NRXN3: variants seen among roughly 807,000 people sequenced by gnomAD.
NRXN3 encodes neurexin III.
Under a neutral mutation model 137.6 loss-of-function variants are expected in NRXN3, and 32 were observed. The observed-to-expected ratio is 0.23, with a 90% CI of 0.18 to 0.31. The LOEUF (loss-of-function observed/expected upper bound fraction) is 0.31, where lower values mean the gene tolerates loss of function less well. NRXN3 is among the 10% of genes least tolerant of loss of function. NRXN3 has a pLI of 1.00. For synonymous variants in NRXN3, 798 were observed against 784.5 expected (o/e 1.02, Z -0.29); for missense variants, 1,574 against 2,062.5 (o/e 0.76, Z 4.59).
At chr14:78,781,545 A>G (rs1196055906) in intron 8 of NRXN3, among the ~76,000 whole-genome samples, 3 of 152,132 alleles carry the variant, frequency 2.0e-5, no homozygotes, top group Non-Finnish European at 2.9e-5. Context: ...AAGTTCTTAC[A>G]CTCCCTGCTC....
intron 10 of NRXN3, among the ~76,000 whole-genome samples, chr14:78,941,932 G>A (rs2099353802): frequency 6.6e-6 from 1 of 152,210 alleles, no homozygotes; most frequent in Admixed American, 6.5e-5. Flanking sequence ...CAAAAGGGGT[G>A]TAGAGAGGAG....
chr14:79,786,290 C>T (rs1568247596), intron 19 of NRXN3, among the ~76,000 whole-genome samples: 1 of 152,064 alleles, frequency 6.6e-6, no homozygotes, highest in East Asian at 1.9e-4. Flanking sequence ...AATTTGGCTA[C>T]AAAAGTTAAT....
At chr14:79,308,861 T>C (rs1482433486) in intron 15 of NRXN3, among the ~76,000 whole-genome samples, 1 of 147,654 alleles carries the variant, frequency 6.8e-6, no homozygotes, top group African/African-American at 2.5e-5. Context: ...TTTTTTTTTT[T>C]TGTGAGTAAT....
At position 79,354,104 on chromosome 14, in the gene NRXN3, G is replaced by A. The variant is rs1334311562; in HGVS notation, c.3263-113117G>A. Among the ~76,000 whole-genome samples the A allele has an allele frequency of 2.0e-5, 3 of 152,146 alleles. No individual in the cohort carries two copies. The East Asian group carries it at 5.8e-4, about 29-fold the overall frequency. ...GTGACACATTCTTGTTCTTTTAGTG[G>A]CTTCATAAAAGTCAAATGTTTAATC... On this transcript the variant is annotated intron_variant, in intron 15 of 20. Coordinates refer to ENST00000335750, the MANE Select transcript of NRXN3 (RefSeq NM_001330195.2).
At chr14:79,642,415 G>A (rs560828324) in intron 16 of NRXN3, among the ~76,000 whole-genome samples, 6 of 135,354 alleles carry the variant, frequency 4.4e-5, no homozygotes, top group East Asian at 3.9e-4. Flanking sequence ...ATTCACATTC[G>A]TTGAGATTTT....
At chr14:79,422,227 T>A (rs917239274) in intron 15 of NRXN3, among the ~76,000 whole-genome samples, 1 of 86,604 alleles carries the variant, frequency 1.2e-5, no homozygotes, top group Non-Finnish European at 2.8e-5. Flanking sequence ...CCCAGCAATT[T>A]TTTTTTTGTC....
At chr14:79,416,954 C>T (rs537158617) in intron 15 of NRXN3, among the ~76,000 whole-genome samples, 33 of 152,136 alleles carry the variant, frequency 2.2e-4, no homozygotes, top group East Asian at 1.9e-3. Flanking sequence ...CTTTGGACAC[C>T]AAAGAATATT....
chr14:78,174,819 G>C (rs558276866), intron 1 of NRXN3, among the ~76,000 whole-genome samples: 3 of 152,172 alleles, frequency 2.0e-5, no homozygotes, highest in East Asian at 1.9e-4. Context: ...AGATCCCCAC[G>C]TCCACCAAGC....
intron 19 of NRXN3, among the ~76,000 whole-genome samples, chr14:79,724,489 G>T (rs181146946): frequency 6.6e-6 from 1 of 152,008 alleles, no homozygotes; most frequent in Non-Finnish European, 1.5e-5. Flanking sequence ...AACATTTTTG[G>T]TTGTCACAAT....
chr14:78,242,914 T>C lies in NRXN3; in HGVS notation c.-180T>C, dbSNP rs1022111304. ...GCTTGTGTGCCCCTCTGGGACTCTC[T>C]TGTACACTTTCCTCCATCTCCACTA... is the stretch of plus-strand genomic sequence containing the variant. On this transcript the variant is annotated 5_prime_UTR_variant, in exon 2 of 21. Transcript: ENST00000335750. 3.5e-5 allele frequency: 20 copies of C among 578,158 alleles called. No individual in the cohort carries two copies. Among genetic ancestry groups the C allele is most frequent in the East Asian group, 2.8e-4 (10 of 35,194 alleles). The allele number at this position is 578,158 out of a possible 1,614,324, so 35.8% of individuals were successfully genotyped here. A position where few individuals can be genotyped will look rare whatever the true frequency, so the allele number is the denominator to read the frequency against.
intron 3 of NRXN3, among the ~76,000 whole-genome samples, chr14:78,293,293 G>T (rs535087774): frequency 6.6e-6 from 1 of 152,124 alleles, no homozygotes; most frequent in African/African-American, 2.4e-5. Flanking sequence ...TCTATGAATG[G>T]GGTTGTGAGA....
Position 79,861,824 on chromosome 14 carries a change from G to C in NRXN3, c.4576G>C (p.Gly1526Arg). 4 of 1,614,100 alleles carry C rather than the reference G, an allele frequency of 2.5e-6. No individual in the cohort carries two copies. Among genetic ancestry groups the C allele is most frequent in the Non-Finnish European group, 3.4e-6 (4 of 1,180,030 alleles). ...GTACAAGTACAGGAACAGGGACGAGGGGTCCTATCAAGTGGACGAGACGCG... is the reference window on the plus strand; with the variant it reads ...GTACAAGTACAGGAACAGGGACGAGCGGTCCTATCAAGTGGACGAGACGCG... ...AMYKYRNRDE[G>R]SYQVDETRNY... is the part of the protein sequence containing the mutation. The change falls in exon 21 of 21, where the codon GGG becomes CGG. Residue 1526 changes from glycine to arginine, a missense_variant. Transcript: ENST00000335750. This position sits in a 1 kb window ranked among gnomAD's most constrained non-coding sequence, Gnocchi z 5.4.
intron 19 of NRXN3, among the ~76,000 whole-genome samples, chr14:79,713,998 CT>C (rs1289327053): frequency 1.3e-5 from 2 of 152,050 alleles, no homozygotes; most frequent in African/African-American, 4.8e-5. Flanking sequence ...GTGATAAAGT[CT>C]TTTCATTTGG....
chr14:79,632,925 G>A lies in NRXN3; in HGVS notation c.3445-30853G>A, dbSNP rs766129918. ...CACTAACATTGTGTTCTATGTGTCC[G>A]TCATTAAGTTGGGTATTTTACACAC... On this transcript the variant is annotated intron_variant, in intron 16 of 20. Transcript: ENST00000335750. Among the ~76,000 whole-genome samples the A allele has an allele frequency of 2.0e-4, 30 of 152,124 alleles. 1 individual carries two copies. The highest frequency in any genetic ancestry group is 3.4e-4 in the Non-Finnish European group (23 of 68,020).
At chr14:78,376,491 A>G (rs891183949) in intron 4 of NRXN3, among the ~76,000 whole-genome samples, 2 of 152,206 alleles carry the variant, frequency 1.3e-5, no homozygotes, top group Non-Finnish European at 2.9e-5. Flanking sequence ...CTTAAGTACA[A>G]TTAAAACCCA....
At chr14:78,890,486 T>A (rs1236622856) in intron 10 of NRXN3, among the ~76,000 whole-genome samples, 1 of 151,860 alleles carries the variant, frequency 6.6e-6, no homozygotes, top group African/African-American at 2.4e-5. Flanking sequence ...ATGAAACAAA[T>A]GCCAATTTCT....
chr14:79,449,392 G>T (rs1489880576), intron 15 of NRXN3, among the ~76,000 whole-genome samples: 1 of 151,978 alleles, frequency 6.6e-6, no homozygotes, highest in Non-Finnish European at 1.5e-5. Context: ...TAGCACTTCA[G>T]TTTGCTTATT....
intron 16 of NRXN3, among the ~76,000 whole-genome samples, chr14:79,628,622 G>C (rs1351477291): frequency 1.3e-5 from 2 of 152,126 alleles, no homozygotes; most frequent in Non-Finnish European, 2.9e-5. Context: ...AGAATACCTT[G>C]GCAGAGCCAA....
intron 4 of NRXN3, among the ~76,000 whole-genome samples, chr14:78,598,060 A>G (rs1208712104): frequency 6.6e-6 from 1 of 152,230 alleles, no homozygotes; most frequent in Non-Finnish European, 1.5e-5. Flanking sequence ...AATAAAGCAA[A>G]GCCCAGACAG....
Sources: gnomAD v4.1 joint callset for allele counts (sites outside exome capture counted in the v4.1 genomes callset) on GRCh38, gnomAD v4.1.1 for gene constraint, Gnocchi (gnomAD v3.1) non-coding constraint, MANE v1.5 for transcripts, NCBI Gene and HGNC (gene_info 2026-07-23, HGNC 2026-07-21) for gene names.